Variants in STRIP2 observed in about 807,000 individuals in gnomAD.
STRIP2 encodes striatin-interacting protein 2.
STRIP2 carries 84 observed loss-of-function variants against 107.1 expected under a neutral mutation model. The ratio of observed to expected loss-of-function variants is 0.78; its 90% CI spans 0.66 to 0.94. The LOEUF is 0.94. Among genes scored for constraint, STRIP2 ranks in the 40% least tolerant of loss-of-function variants. STRIP2 has a pLI of 0.00. For missense variants in STRIP2, 888 were observed against 1,034.2 expected, an observed-to-expected ratio of 0.86 and a Z score of 1.94; for synonymous variants, 394 against 400.4, an observed-to-expected ratio of 0.98 and a Z score of 0.19.
At chr7:129,481,123 G>C (rs1253345415) in intron 19 of STRIP2, among the ~76,000 whole-genome samples, 1 of 152,184 alleles carries the variant, frequency 6.6e-6, no homozygotes, top group African/African-American at 2.4e-5. Flanking sequence ...AACTCTAGCA[G>C]GGAAGCTAGC....
At chr7:129,474,732 G>C (rs748440756) in intron 18 of STRIP2, among the ~76,000 whole-genome samples, 2 of 151,822 alleles carry the variant, frequency 1.3e-5, no homozygotes, top group Non-Finnish European at 2.9e-5. Flanking sequence ...GGCTGGTCTT[G>C]AACTCCTGAC....
intron 20 of STRIP2, 52 bp from the exon 21 acceptor site, chr7:129,485,527 A>G: frequency 6.2e-7 from 1 of 1,600,244 alleles, no homozygotes; most frequent in Non-Finnish European, 8.5e-7. Context: ...CTGTGATAAG[A>G]GGAGCAGTGT....
At chr7:129,472,735 T>C (rs692697) in intron 18 of STRIP2, among the ~76,000 whole-genome samples, 44,116 of 148,880 alleles carry the variant, frequency 0.3, 6,867 homozygotes, top group African/African-American at 0.38. Flanking sequence ...GCACAGAAAA[T>C]GTACTGGCTA....
In STRIP2 at chr7:129,464,754, C is replaced by A. The variant is rs199944728; in HGVS notation, c.1776+16C>A. 6.4e-5 allele frequency: 103 copies of A among 1,614,080 alleles called. No homozygotes were observed. The highest frequency in any genetic ancestry group is 4.9e-4 in the Middle Eastern group (3 of 6,062). ...TATCTACCAGGTGAGCAGCTAGGAG[C>A]ACTTCTCCACAGGTCTTGGGTGTTT... On this transcript the variant is annotated intron_variant, in intron 16 of 20. Coordinates refer to ENST00000249344, the MANE Select transcript of STRIP2 (RefSeq NM_020704.3).
At chr7:129,462,255 G>A (rs1475888505) in intron 13 of STRIP2, among the ~76,000 whole-genome samples, 2 of 152,248 alleles carry the variant, frequency 1.3e-5, no homozygotes, top group Non-Finnish European at 2.9e-5. Flanking sequence ...CAGCAGATTA[G>A]TTGTGTGGGA....
At chr7:129,438,822 A>T (rs1224448268) in intron 1 of STRIP2, among the ~76,000 whole-genome samples, 1 of 152,222 alleles carries the variant, frequency 6.6e-6, no homozygotes, top group Non-Finnish European at 1.5e-5. Context: ...GAAAGCATGT[A>T]CTTAGAATTA....
intron 9 of STRIP2, among the ~76,000 whole-genome samples, chr7:129,457,765 T>C (rs1179864928): frequency 1.3e-5 from 2 of 152,236 alleles, no homozygotes; most frequent in Non-Finnish European, 1.5e-5. Context: ...TTCTGTCCAA[T>C]CTTTTTTTCT....
chr7:129,472,878 G>T (rs932803192), intron 18 of STRIP2, among the ~76,000 whole-genome samples: 8 of 134,264 alleles, frequency 6.0e-5, no homozygotes, highest in Non-Finnish European at 1.1e-4. Context: ...CCTCTGCCTC[G>T]TGAGTCCAAG....
In STRIP2 at chr7:129,439,715, G is replaced by A. The variant is rs1214743569; in HGVS notation, c.130-307G>A. On this transcript the variant is annotated intron_variant, in intron 1 of 20. Transcript: ENST00000249344. ...TATAAATCAGCTAGATGCTCCTCTG[G>A]TCTGTGTTCATGTAGATTAGATATG... Among the ~76,000 whole-genome samples, 4 of 152,174 alleles carry A rather than the reference G, an allele frequency of 2.6e-5. No homozygotes were observed. The East Asian group carries it at 7.7e-4, about 29-fold the overall frequency.
chr7:129,477,207 G>A (rs199880495), intron 18 of STRIP2, among the ~76,000 whole-genome samples: 28 of 7,914 alleles, frequency 3.5e-3, no homozygotes, highest in Non-Finnish European at 0.011. Flanking sequence ...AGGGGGAGGG[G>A]GAGGGGGAGG....
chr7:129,435,747 T>C (rs1797718958), intron 1 of STRIP2, among the ~76,000 whole-genome samples: 1 of 152,214 alleles, frequency 6.6e-6, no homozygotes. Context: ...AATTAGTCAG[T>C]ACATAGTAAC....
intron 18 of STRIP2, among the ~76,000 whole-genome samples, chr7:129,475,708 GCGGCCT>G (rs1055961819): frequency 1.3e-5 from 2 of 152,106 alleles, no homozygotes; most frequent in African/African-American, 4.8e-5. Context: ...AGAGGACCCT[GCGGCCT>G]ACCGCAGTGT....
chr7:129,483,498 A>G lies in STRIP2; in HGVS notation c.2254+452A>G, dbSNP rs2151021303. ...TGTATATTCCTCCAGATCTTTTTCTATGCATATACATGCATATTTTATCAA... is the reference window on the plus strand; with the variant it reads ...TGTATATTCCTCCAGATCTTTTTCTGTGCATATACATGCATATTTTATCAA... On this transcript the variant is annotated intron_variant, in intron 20 of 20. Coordinates refer to ENST00000249344, the MANE Select transcript of STRIP2 (RefSeq NM_020704.3). This position sits in a 1 kb window ranked among gnomAD's most constrained non-coding sequence, Gnocchi z 5.1. 5.0e-6 allele frequency: 1 copy of G among 201,586 alleles called. No individual in the cohort carries two copies. The highest frequency in any genetic ancestry group is 8.9e-6 in the Non-Finnish European group (1 of 112,288). 12.5% of individuals were successfully genotyped at this position (201,586 alleles called of 1,614,324 possible).
chr7:129,476,103 C>T (rs1253925342), intron 18 of STRIP2, among the ~76,000 whole-genome samples: 10 of 152,188 alleles, frequency 6.6e-5, no homozygotes, highest in African/African-American at 1.9e-4. Flanking sequence ...GGGTGGCGGC[C>T]GGGCAGAGGG....
Position 129,476,312 on chromosome 7 carries a change from C to T in STRIP2, c.1945-4473C>T, listed in dbSNP as rs868742764. Among the ~76,000 whole-genome samples, 8 of 142,454 alleles carry T rather than the reference C, an allele frequency of 5.6e-5. No homozygotes were observed. In the South Asian group the frequency reaches 1.6e-3, roughly 28 times the overall value. The allele number at this position is 142,454 out of a possible 152,430, so 93.5% of individuals were successfully genotyped here. On this transcript the variant is annotated intron_variant, in intron 18 of 20. Transcript: ENST00000249344. ...CTCACTTCCCAGATGCGGCGGCTGC[C>T]GGGCGGAGGGGCTCCTCACTTCTCA...
At chr7:129,449,209 C>T (rs1379125298) in intron 3 of STRIP2, among the ~76,000 whole-genome samples, 1 of 152,200 alleles carries the variant, frequency 6.6e-6, no homozygotes, top group East Asian at 1.9e-4. Flanking sequence ...TTCCTTCCTC[C>T]ATCATCCCAT....
At chr7:129,434,720 TGGGCGCCTGCG>T in intron 1 of STRIP2, 119 bp downstream of exon 1, 1 of 1,217,742 alleles carries the variant, frequency 8.2e-7, no homozygotes, top group South Asian at 1.9e-5. Context: ...CCCCGCGCAG[TGGGCGCCTGCG>T]GGGTCCTAGC....
chr7:129,481,470 G>A (rs1049709581), intron 19 of STRIP2, among the ~76,000 whole-genome samples: 4 of 151,996 alleles, frequency 2.6e-5, no homozygotes, highest in South Asian at 4.2e-4. Flanking sequence ...GCACTCCAGC[G>A]TGGGCAACGG....
At chr7:129,454,608 A>G (rs1229146640) in intron 7 of STRIP2, 81 bp downstream of exon 7, 1 of 880,286 alleles carries the variant, frequency 1.1e-6, no homozygotes, top group Non-Finnish European at 1.9e-6. Flanking sequence ...GGAGAGGCAG[A>G]CAGTCGTTTT....
Sources: allele counts gnomAD v4.1 joint callset (sites outside exome capture counted in the v4.1 genomes callset), GRCh38; gene constraint gnomAD v4.1.1; non-coding constraint Gnocchi (gnomAD v3.1); transcripts MANE v1.5; gene names NCBI Gene and HGNC (gene_info 2026-07-23, HGNC 2026-07-21).